Variants in PDS5A observed in about 807,000 individuals in gnomAD.
PDS5A encodes PDS5 cohesin associated factor A.
A neutral mutation model predicts 167.1 loss-of-function variants in PDS5A; 42 were observed. The ratio of observed to expected loss-of-function variants is 0.25; its 90% confidence interval spans 0.20 to 0.33. PDS5A has a LOEUF of 0.33. PDS5A is among the 10% of genes least tolerant of loss of function. The probability of loss-of-function intolerance (pLI) is 1.00; values close to 1 mark genes in which losing one functional copy is unlikely to be tolerated. For synonymous variants in PDS5A, 553 were observed against 554.6 expected (o/e 1.00, Z 0.04); for missense variants, 1,033 against 1,605.9 (o/e 0.64, Z 6.10).
intron 21 of PDS5A, among the ~76,000 whole-genome samples, chr4:39,872,435 C>T (rs891741313): frequency 6.6e-6 from 1 of 151,928 alleles, no homozygotes; most frequent in Non-Finnish European, 1.5e-5. Context: ...GAGGCCAAGG[C>T]GGACGGATCA....
rs529040840 is a variant in PDS5A at position 39,851,805 on chromosome 4, C to T, written c.3087-2153G>A. Among the ~76,000 whole-genome samples, 89 of 152,292 alleles carry T rather than the reference C, an allele frequency of 5.8e-4. 3 individuals are homozygous for T. The South Asian group carries it at 0.018, about 31-fold the overall frequency. ...TGAGGATTCTATTTGTTTATATAAACACTGAAATCATTTCCTTAATTCTTG... is the reference window on the plus strand; with the variant it reads ...TGAGGATTCTATTTGTTTATATAAATACTGAAATCATTTCCTTAATTCTTG... On this transcript the variant is annotated intron_variant, in intron 26 of 32. Coordinates refer to ENST00000303538, the MANE Select transcript of PDS5A (RefSeq NM_001100399.2).
At chr4:39,863,261 G>A (rs779025142) in intron 24 of PDS5A, 75 bp downstream of exon 24, 102 of 1,160,368 alleles carry the variant, frequency 8.8e-5, no homozygotes, top group Non-Finnish European at 1.2e-4. Context: ...CATTATAAAT[G>A]GATTTGTATC....
intron 2 of PDS5A, among the ~76,000 whole-genome samples, chr4:39,974,615 G>A (rs977226334): frequency 5.3e-5 from 8 of 151,964 alleles, no homozygotes; most frequent in Non-Finnish European, 8.8e-5. Context: ...CGCGATCTCC[G>A]CTCATCAAAA....
intron 2 of PDS5A, chr4:39,973,274 GA>G: frequency 6.3e-7 from 1 of 1,578,964 alleles, no homozygotes; most frequent in Non-Finnish European, 8.6e-7. Context: ...TTTTGCTCTT[GA>G]GGGGCAGATG....
chr4:39,882,410 T>C lies in PDS5A; in HGVS notation c.1887-2577A>G, dbSNP rs888062357. Among the ~76,000 whole-genome samples the C allele has an allele frequency of 3.3e-5, 5 of 152,366 alleles. No individual in the cohort carries two copies. In the East Asian group the frequency reaches 9.6e-4, roughly 29 times the overall value. ...CTAAGAAATCTTTGCCTATCCTATA[T>C]GTTTTCTGGAAATTCTAGCTCTGAC... On this transcript the variant is annotated intron_variant, in intron 17 of 32. Coordinates refer to ENST00000303538, the MANE Select transcript of PDS5A (RefSeq NM_001100399.2).
chr4:39,918,485 A>G (rs1385891294), intron 7 of PDS5A, among the ~76,000 whole-genome samples: 1 of 152,180 alleles, frequency 6.6e-6, no homozygotes, highest in African/African-American at 2.4e-5. Context: ...CTCAGGGGCA[A>G]TTGTATGCAA....
chr4:39,887,998 T>C (rs1289558796), intron 17 of PDS5A, among the ~76,000 whole-genome samples: 1 of 152,130 alleles, frequency 6.6e-6, no homozygotes, highest in Non-Finnish European at 1.5e-5. Flanking sequence ...ACGCCTGTAA[T>C]CCCAGCACTT....
In PDS5A at chr4:39,825,216, T is replaced by A. The variant is rs1715182753; in HGVS notation, c.*269A>T. ...CCAAGTGTTAAGCAATTTGCTTAAT[T>A]ATTGACTTTTCGTAAGAAAAGTCTA... On this transcript the variant is annotated 3_prime_UTR_variant, in exon 33 of 33. Transcript: ENST00000303538. 1 of 362,530 alleles carries A rather than the reference T, an allele frequency of 2.8e-6. No individual in the cohort carries two copies. The highest frequency in any genetic ancestry group is 4.9e-6 in the Non-Finnish European group (1 of 202,790). 22.5% of individuals were successfully genotyped at this position (362,530 alleles called of 1,614,324 possible).
chr4:39,905,612 T>C (rs1036512689), intron 11 of PDS5A, among the ~76,000 whole-genome samples: 3 of 151,948 alleles, frequency 2.0e-5, no homozygotes, highest in African/African-American at 7.3e-5. Context: ...CATCAGACCT[T>C]TGAGGAACGC....
chr4:39,853,396 A>G (rs1441702455), intron 26 of PDS5A, among the ~76,000 whole-genome samples: 2 of 152,188 alleles, frequency 1.3e-5, no homozygotes, highest in Non-Finnish European at 2.9e-5. Flanking sequence ...TTAGCTTGGT[A>G]CTTTATGCTA....
intron 2 of PDS5A, among the ~76,000 whole-genome samples, chr4:39,934,608 TTTTTTTC>T (rs1307015089): frequency 7.8e-5 from 10 of 128,002 alleles, no homozygotes; most frequent in African/African-American, 2.6e-4. Flanking sequence ...AGTATTTCTT[TTTTTTTC>T]TTTTTTTTTT....
At chr4:39,864,282 G>C (rs907238996) in intron 23 of PDS5A, among the ~76,000 whole-genome samples, 2 of 152,008 alleles carry the variant, frequency 1.3e-5, no homozygotes, top group Non-Finnish European at 2.9e-5. Flanking sequence ...GAAATGGCAG[G>C]GCTGCAGTTA....
chr4:39,879,526 A>C (rs1353510303), intron 18 of PDS5A, among the ~76,000 whole-genome samples: 2 of 152,220 alleles, frequency 1.3e-5, no homozygotes, highest in African/African-American at 4.8e-5. Flanking sequence ...ACAGTGAAAC[A>C]AATATTAATT....
At chr4:39,941,246 A>G (rs900122201) in intron 2 of PDS5A, among the ~76,000 whole-genome samples, 1 of 152,218 alleles carries the variant, frequency 6.6e-6, no homozygotes, top group Non-Finnish European at 1.5e-5. Flanking sequence ...TGTGCCTCAT[A>G]CAGAGTAAGT....
In PDS5A at chr4:39,864,035, CAGG is replaced by C. The variant is rs1362194360; in HGVS notation, c.2643-579_2643-577del. 3.3e-5 allele frequency among the ~76,000 whole-genome samples: 5 copies of C among 151,922 alleles called. No individual in the cohort carries two copies. The East Asian group carries it at 7.7e-4, about 23-fold the overall frequency. On this transcript the variant is annotated intron_variant, in intron 23 of 32. Coordinates refer to ENST00000303538, the MANE Select transcript of PDS5A (RefSeq NM_001100399.2). ...GTCCCAGCTACTTGGGAGACTCAGGCAGGAGAACTGCTTGAACCTGAGAGGTGG... is the reference window on the plus strand; with the variant it reads ...GTCCCAGCTACTTGGGAGACTCAGGCAGAACTGCTTGAACCTGAGAGGTGG...
At chr4:39,913,493 T>C in intron 9 of PDS5A, 118 bp downstream of exon 9, 1 of 601,220 alleles carries the variant, frequency 1.7e-6, no homozygotes, top group Admixed American at 2.8e-5. Flanking sequence ...GAAACACAGA[T>C]GACAATGAAA....
In PDS5A at chr4:39,958,377, T is replaced by C. The variant is rs1578827459; in HGVS notation, c.138+18063A>G. Among the ~76,000 whole-genome samples the C allele has an allele frequency of 1.3e-5, 2 of 151,186 alleles. 1 individual carries two copies. The highest frequency in any genetic ancestry group is 4.2e-4 in the South Asian group (2 of 4,758). On this transcript the variant is annotated intron_variant, in intron 2 of 32. Coordinates refer to ENST00000303538, the MANE Select transcript of PDS5A (RefSeq NM_001100399.2). ...CAAAATTTAACCGGGCATGGTGGTGTGCGCCTGTAGTACCAGCTACTCAGG... is the reference window on the plus strand; with the variant it reads ...CAAAATTTAACCGGGCATGGTGGTGCGCGCCTGTAGTACCAGCTACTCAGG...
intron 31 of PDS5A, among the ~76,000 whole-genome samples, chr4:39,838,645 C>A (rs1716660822): frequency 1.3e-5 from 2 of 151,658 alleles, no homozygotes; most frequent in African/African-American, 2.4e-5. Flanking sequence ...ATTGCTTAAG[C>A]CTGGGAGGTT....
chr4:39,892,787 C>T (rs944148506), intron 16 of PDS5A, among the ~76,000 whole-genome samples: 1 of 152,138 alleles, frequency 6.6e-6, no homozygotes, highest in Admixed American at 6.5e-5. Flanking sequence ...AGTCCATAAA[C>T]CACTCATGTT....
Sources: allele counts gnomAD v4.1 joint callset (sites outside exome capture counted in the v4.1 genomes callset), GRCh38; gene constraint gnomAD v4.1.1; transcripts MANE v1.5; gene names NCBI Gene and HGNC (gene_info 2026-07-23, HGNC 2026-07-21).